Variants in CUL1 observed in about 807,000 individuals in gnomAD.
The protein encoded by CUL1 is cullin 1.
CUL1 carries 24 observed loss-of-function variants against 118.0 expected under a neutral mutation model. That is an observed-to-expected ratio of 0.20 (90% confidence interval 0.15 to 0.29). CUL1 has a LOEUF of 0.29. Among genes scored for constraint, CUL1 ranks in the 10% least tolerant of loss-of-function variants. The pLI is 1.00. For missense variants in CUL1, 361 were observed against 933.8 expected (o/e 0.39, Z 7.99); for synonymous variants, 332 against 340.4 (o/e 0.98, Z 0.27).
At chr7:148,783,302 C>A in intron 9 of CUL1, 3 of 983,778 alleles carry the variant, frequency 3.0e-6, no homozygotes, top group Non-Finnish European at 3.6e-6. Context: ...CGCGGATCCG[C>A]GCCTCTGGTT....
upstream of CUL1, chr7:148,697,832 G>A (rs996342709): frequency 6.6e-6 from 1 of 152,272 alleles, no homozygotes; most frequent in Non-Finnish European, 1.5e-5. Flanking sequence ...GCAGCGGGTA[G>A]TATTTAGGTT....
At chr7:148,716,249 T>C (rs1304387330) in intron 1 of CUL1, among the ~76,000 whole-genome samples, 1 of 152,220 alleles carries the variant, frequency 6.6e-6, no homozygotes, top group Non-Finnish European at 1.5e-5. Context: ...TGCAGACATC[T>C]TCCTATTTAA....
chr7:148,771,352 A>G (rs572255639), intron 9 of CUL1, among the ~76,000 whole-genome samples: 3 of 152,218 alleles, frequency 2.0e-5, no homozygotes, highest in African/African-American at 7.2e-5. Context: ...TTTAGAACCT[A>G]CTTATGAATT....
chr7:148,771,685 C>T (rs1252686891), intron 9 of CUL1, among the ~76,000 whole-genome samples: 1 of 152,182 alleles, frequency 6.6e-6, no homozygotes, highest in East Asian at 1.9e-4. Context: ...CTTTGGGAAC[C>T]TTGCACACAA....
intron 4 of CUL1, among the ~76,000 whole-genome samples, chr7:148,758,691 A>G (rs1799739188): frequency 6.6e-6 from 1 of 152,222 alleles, no homozygotes; most frequent in Non-Finnish European, 1.5e-5. Flanking sequence ...CAGTTTCTAT[A>G]CCAAAATTGT....
intron 11 of CUL1, among the ~76,000 whole-genome samples, chr7:148,786,333 A>G (rs1177168335): frequency 6.6e-6 from 1 of 152,172 alleles, no homozygotes; most frequent in Non-Finnish European, 1.5e-5. Flanking sequence ...TTCACCTTGG[A>G]TATTCTAAAT....
intron 9 of CUL1, among the ~76,000 whole-genome samples, chr7:148,776,306 G>T (rs1800394851): frequency 2.9e-5 from 1 of 33,960 alleles, no homozygotes; most frequent in Non-Finnish European, 5.7e-5. Flanking sequence ...ACATAACCAG[G>T]CTTTTTTTTT....
intron 2 of CUL1, among the ~76,000 whole-genome samples, chr7:148,740,206 C>G (rs1799098300): frequency 6.6e-6 from 1 of 152,132 alleles, no homozygotes; most frequent in Non-Finnish European, 1.5e-5. Flanking sequence ...ACGCACGCCA[C>G]CACGCCTAGC....
intron 2 of CUL1, among the ~76,000 whole-genome samples, chr7:148,751,957 A>T (rs1443587686): frequency 6.6e-6 from 1 of 152,150 alleles, no homozygotes; most frequent in Non-Finnish European, 1.5e-5. Context: ...TCTACTAAAC[A>T]TACAAAATTA....
At chr7:148,759,793 CTTTA>C (rs901524082) in intron 6 of CUL1, among the ~76,000 whole-genome samples, 155 bp downstream of exon 6, 5 of 152,072 alleles carry the variant, frequency 3.3e-5, no homozygotes, top group African/African-American at 9.7e-5. Context: ...GTCAGTGTGA[CTTTA>C]TTTGTTTTTA....
chr7:148,766,940 A>G (rs1309394222), intron 8 of CUL1, among the ~76,000 whole-genome samples: 2 of 152,162 alleles, frequency 1.3e-5, no homozygotes, highest in African/African-American at 4.8e-5. Flanking sequence ...GACTTGCTCC[A>G]TACACTTTAG....
chr7:148,716,079 C>T (rs1012735010), intron 1 of CUL1, among the ~76,000 whole-genome samples: 6 of 152,216 alleles, frequency 3.9e-5, no homozygotes, highest in Non-Finnish European at 7.4e-5. Flanking sequence ...GGGTAATTAC[C>T]TAAGACAGAG....
At chr7:148,788,896 T>TCAC (rs1290580374) in intron 14 of CUL1, among the ~76,000 whole-genome samples, 3 of 152,182 alleles carry the variant, frequency 2.0e-5, no homozygotes, top group African/African-American at 7.2e-5. Context: ...TGGGGCAAGG[T>TCAC]CACCACCTGT....
At chr7:148,799,206 G>A (rs1001761012) in intron 20 of CUL1, 69 bp from the exon 21 acceptor site, 32 of 1,215,836 alleles carry the variant, frequency 2.6e-5, no homozygotes, top group Middle Eastern at 4.8e-4. Context: ...TGTGCAGCTT[G>A]TCCTTAACTA....
upstream of CUL1, chr7:148,697,776 T>A (rs1235362611): frequency 1.3e-5 from 2 of 152,266 alleles, no homozygotes; most frequent in Admixed American, 6.5e-5. Flanking sequence ...CACCCCTCAC[T>A]AGGTGTTGGG....
At position 148,716,191 on chromosome 7, in the gene CUL1, A is replaced by G. The variant is rs144199686; in HGVS notation, c.-161-13771A>G. On this transcript the variant is annotated intron_variant, in intron 1 of 21. Coordinates refer to ENST00000325222, the MANE Select transcript of CUL1 (RefSeq NM_003592.3). Reference sequence around the variant, plus strand: ...CTTTTTTTAATCATAAAAAATGTCAAAAGTGTAGCAAACATGTCCATTCCT... The same window carrying G: ...CTTTTTTTAATCATAAAAAATGTCAGAAGTGTAGCAAACATGTCCATTCCT... 4.4e-3 allele frequency among the ~76,000 whole-genome samples: 666 copies of G among 152,174 alleles called. 6 individuals are homozygous for G. Among genetic ancestry groups the G allele is most frequent in the African/African-American group, 0.015 (637 of 41,424 alleles).
chr7:148,753,143 AATCT>A (rs1799546066), intron 2 of CUL1, among the ~76,000 whole-genome samples: 1 of 152,206 alleles, frequency 6.6e-6, no homozygotes, highest in South Asian at 2.1e-4. Flanking sequence ...TTTATTAGAT[AATCT>A]ATCTTTTACC....
chr7:148,781,079 ATTTT>A lies in CUL1; in HGVS notation c.1084-2685_1084-2682del, dbSNP rs1197920664. 2.4e-3 allele frequency among the ~76,000 whole-genome samples: 224 copies of A among 93,722 alleles called. 1 individual carries two copies. Among genetic ancestry groups the A allele is most frequent in the African/African-American group, 9.7e-3 (210 of 21,736 alleles). 61.5% of individuals were successfully genotyped at this position (93,722 alleles called of 152,430 possible). A position where few individuals can be genotyped will look rare whatever the true frequency, so the allele number is the denominator to read the frequency against. Reference sequence around the variant, plus strand: ...GCTAAATTCACATTTTCAAGGCCAGATTTTTTTTTTTTTTTTTTTTTTGACAGAG... The same window carrying A: ...GCTAAATTCACATTTTCAAGGCCAGATTTTTTTTTTTTTTTTTTGACAGAG... On this transcript the variant is annotated intron_variant, in intron 9 of 21. Transcript: ENST00000325222.
rs1799773991 is a variant in CUL1, at chr7:148,759,571, G to C, written c.558G>C (p.Leu186=). Residue 186 remains leucine, a synonymous_variant, in exon 6 of 22, where the codon CTG becomes CTC. Transcript: ENST00000325222. ...NKQVTNAVLK[L]IEKERNGETI... is the part of the protein sequence containing the mutation. ...AGGTAACAAATGCTGTTTTAAAGCTGATTGAAAAGGAAAGGAATGGTGAAA... is the reference window on the plus strand; with the variant it reads ...AGGTAACAAATGCTGTTTTAAAGCTCATTGAAAAGGAAAGGAATGGTGAAA... 3 of 1,610,190 alleles carry C rather than the reference G, an allele frequency of 1.9e-6. No individual in the cohort carries two copies. The highest frequency in any genetic ancestry group is 1.3e-5 in the African/African-American group (1 of 74,796).
Sources: allele counts gnomAD v4.1 joint callset (sites outside exome capture counted in the v4.1 genomes callset), GRCh38; gene constraint gnomAD v4.1.1; transcripts MANE v1.5; gene names NCBI Gene and HGNC (gene_info 2026-07-23, HGNC 2026-07-21).